FPR1: variants seen among roughly 807,000 people sequenced by gnomAD.
The protein encoded by FPR1 is N-formyl peptide receptor 1.
For missense variants in FPR1, 407 were observed against 453.0 expected (o/e 0.90, Z 0.92); for synonymous variants, 193 against 176.7 (o/e 1.09, Z -0.73).
rs750772517 is a variant in FPR1 at position 51,746,980 on chromosome 19, G to A, written c.15C>T (p.Ser5=). The A allele has an allele frequency of 1.2e-5, 20 of 1,611,198 alleles. No individual in the cohort carries two copies. The highest frequency in any genetic ancestry group is 1.6e-5 in the Non-Finnish European group (19 of 1,177,808). Residue 5 remains serine (S), a synonymous_variant, in exon 2 of 2, where the codon TCC becomes TCT. Coordinates refer to ENST00000304748, the MANE Select transcript of FPR1 (RefSeq NM_002029.4). The surrounding 1 kb of genome is among the most constrained non-coding windows in gnomAD (Gnocchi z 4.3). The part of the protein sequence containing the change: METN[S]SLPTNISGGT... The stretch of plus-strand genomic sequence containing the variant: ...CTCCAGAGATGTTCGTGGGGAGAGA[G>A]GAATTTGTCTCCATCTTGTCTGCTC...
At chr19:51,748,716 G>T (rs746143925) in intron 1 of FPR1, among the ~76,000 whole-genome samples, 1 of 152,046 alleles carries the variant, frequency 6.6e-6, no homozygotes. Flanking sequence ...CCGCCTCGGC[G>T]TCCCAAAGTG....
intron 1 of FPR1, among the ~76,000 whole-genome samples, chr19:51,747,959 CA>C (rs2083758827): frequency 6.6e-6 from 1 of 151,998 alleles, no homozygotes; most frequent in Non-Finnish European, 1.5e-5. Context: ...AGCCACATAG[CA>C]AGATCCTCAT....
At position 51,746,552 on chromosome 19, in the gene FPR1, C is replaced by G; in HGVS notation, c.443G>C (p.Gly148Ala). Residue 148 changes from glycine (G) to alanine (A), a missense_variant, in exon 2 of 2, where the codon GGG becomes GCG. Transcript: ENST00000304748. The surrounding 1 kb of genome is among the most constrained non-coding windows in gnomAD (Gnocchi z 4.3). Reference protein sequence around the residue: ...TVSLAKKVIIGPWVMALLLTL... With the variant: ...TVSLAKKVIIAPWVMALLLTL... Reference sequence around the variant, plus strand: ...GAGGAGCAGAGCCATCACCCAGGGCCCAATGATCACCTTCTTGGCCAGGCT... The same window carrying G: ...GAGGAGCAGAGCCATCACCCAGGGCGCAATGATCACCTTCTTGGCCAGGCT... 6.2e-7 allele frequency: 1 copy of G among 1,614,150 alleles called. No individual in the cohort carries two copies. Among genetic ancestry groups the G allele is most frequent in the Non-Finnish European group, 8.5e-7 (1 of 1,180,024 alleles).
At chr19:51,750,745 A>C (rs1164211343) in intron 1 of FPR1, 1 of 152,224 alleles carries the variant, frequency 6.6e-6, no homozygotes, top group Admixed American at 6.5e-5. Flanking sequence ...GGTGGCTGCC[A>C]TCGATGAAGG....
rs1342695604 is a variant in FPR1, at chr19:51,746,121, A to G, written c.874T>C (p.Phe292Leu). ...AVDVTSALAF[F>L]NSCLNPMLYV... is the part of the protein sequence containing the mutation. ...AGCATGGGGTTGAGGCAGCTGTTGA[A>G]GAAGGCCAGGGCACTTGTCACATCC... The change falls in exon 2 of 2, where the codon TTC (phenylalanine) becomes CTC (leucine). Residue 292 changes from phenylalanine (F) to leucine (L), a missense_variant. Phe to Leu is a conservative substitution (Grantham distance 22). Transcript: ENST00000304748. This position sits in a 1 kb window ranked among gnomAD's most constrained non-coding sequence, Gnocchi z 4.3. 2.5e-6 allele frequency: 4 copies of G among 1,614,210 alleles called. No individual in the cohort carries two copies. The highest frequency in any genetic ancestry group is 4.5e-5 in the East Asian group (2 of 44,870).
chr19:51,749,837 T>C (rs2083770053), intron 1 of FPR1, among the ~76,000 whole-genome samples: 1 of 151,944 alleles, frequency 6.6e-6, no homozygotes, highest in Non-Finnish European at 1.5e-5. Context: ...AATTTTTCTT[T>C]TTAATTGTAT....
intron 1 of FPR1, 25 bp from the exon 2 acceptor site, chr19:51,747,030 T>C (rs2083752670): frequency 4.6e-6 from 7 of 1,514,036 alleles, no homozygotes; most frequent in African/African-American, 4.1e-5. Flanking sequence ...TCGTGGTCAT[T>C]CCTCAGTTAT....
rs928709664 is a variant in FPR1, at chr19:51,745,931, C to T, written c.*11G>A. The stretch of plus-strand genomic sequence containing the variant: ...GAGCTGGGAGCTCGAAAGTGTCCCC[C>T]AGCTCCCTCCTCACTTTGCCTGTAA... On this transcript the variant is annotated 3_prime_UTR_variant, in exon 2 of 2. Coordinates refer to ENST00000304748, the MANE Select transcript of FPR1 (RefSeq NM_002029.4). 2.5e-6 allele frequency: 4 copies of T among 1,602,082 alleles called. No homozygotes were observed. Among genetic ancestry groups the T allele is most frequent in the Non-Finnish European group, 3.4e-6 (4 of 1,170,176 alleles).
rs1381198012 is a variant in FPR1 at position 51,746,474 on chromosome 19, A to G, written c.521T>C (p.Val174Ala). ...VTTVPGKTGT[V>A]ACTFNFSPWT... is the part of the protein sequence containing the mutation. Reference sequence around the variant, plus strand: ...GGGCGAAAAGTTAAAAGTGCAGGCTACTGTCCCCGTTTTACCAGGTACTGT... The same window carrying G: ...GGGCGAAAAGTTAAAAGTGCAGGCTGCTGTCCCCGTTTTACCAGGTACTGT... Residue 174 changes from valine to alanine, a missense_variant, in exon 2 of 2, where the codon GTA becomes GCA. Physicochemically the swap from Val to Ala is moderately conservative, Grantham distance 64. Transcript: ENST00000304748. This position sits in a 1 kb window ranked among gnomAD's most constrained non-coding sequence, Gnocchi z 4.3. 4 of 1,614,174 alleles carry G rather than the reference A, an allele frequency of 2.5e-6. No homozygotes were observed. Among genetic ancestry groups the G allele is most frequent in the Non-Finnish European group, 3.4e-6 (4 of 1,180,036 alleles).
intron 1 of FPR1, among the ~76,000 whole-genome samples, chr19:51,750,458 A>C (rs1262636027): frequency 6.6e-6 from 1 of 152,180 alleles, no homozygotes. Context: ...TTGAAATTAC[A>C]TATGTGTCTC....
At chr19:51,747,142 A>G (rs917405234) in intron 1 of FPR1, 137 bp from the exon 2 acceptor site, 2 of 640,366 alleles carry the variant, frequency 3.1e-6, no homozygotes, top group Non-Finnish European at 5.5e-6. Context: ...CAGCCGGAAC[A>G]TCCTCACCAC....
intron 1 of FPR1, among the ~76,000 whole-genome samples, chr19:51,751,123 G>T: frequency 6.6e-6 from 1 of 152,236 alleles, no homozygotes; most frequent in East Asian, 1.9e-4. Context: ...TCAAGCTGAT[G>T]CCCTTGCCTC....
In FPR1 at chr19:51,746,215, C is replaced by T; in HGVS notation, c.780G>A (p.Val260=). ...FFLCWSPYQV[V]ALIATVRIRE... ...GGATTCTGACTGTGGCTATAAGGGC[C>T]ACCACCTGATATGGGGACCAGCAGA... is the stretch of plus-strand genomic sequence containing the variant. The change falls in exon 2 of 2, where the codon GTG becomes GTA. Residue 260 remains valine (V), a synonymous_variant. Coordinates refer to ENST00000304748, the MANE Select transcript of FPR1 (RefSeq NM_002029.4). The surrounding 1 kb of genome is among the most constrained non-coding windows in gnomAD (Gnocchi z 4.3). 6.2e-7 allele frequency: 1 copy of T among 1,614,122 alleles called. No homozygotes were observed. The highest frequency in any genetic ancestry group is 8.5e-7 in the Non-Finnish European group (1 of 1,180,030).
In FPR1 at chr19:51,745,882, C is replaced by T. The variant is rs1361571700; in HGVS notation, c.*60G>A. The T allele has an allele frequency of 7.1e-7, 1 of 1,417,822 alleles. No individual in the cohort carries two copies. Among genetic ancestry groups the T allele is most frequent in the Non-Finnish European group, 9.8e-7 (1 of 1,019,538 alleles). 87.8% of individuals were successfully genotyped at this position (1,417,822 alleles called of 1,614,324 possible). On this transcript the variant is annotated 3_prime_UTR_variant, in exon 2 of 2. Coordinates refer to ENST00000304748, the MANE Select transcript of FPR1 (RefSeq NM_002029.4). The stretch of plus-strand genomic sequence containing the variant: ...AAGCAGGAAATGCCTGTGGCTCAGC[C>T]TAACTCAAGGTGAGACGAAGCTGGA...
At position 51,746,767 on chromosome 19, in the gene FPR1, G is replaced by A; in HGVS notation, c.228C>T (p.Ser76=). Residue 76 remains serine, a synonymous_variant, in exon 2 of 2, where the codon TCC becomes TCT. Coordinates refer to ENST00000304748, the MANE Select transcript of FPR1 (RefSeq NM_002029.4). This position sits in a 1 kb window ranked among gnomAD's most constrained non-coding sequence, Gnocchi z 4.3. ...TCCTGACCATGAAGAATGGCAAAGT[G>A]GAGGTGAAACAGAAGTCAGCCACGG... The part of the protein sequence containing the change: ...NLAVADFCFT[S]TLPFFMVRKA... 2 of 1,614,160 alleles carry A rather than the reference G, an allele frequency of 1.2e-6. No individual in the cohort carries two copies. Among genetic ancestry groups the A allele is most frequent in the South Asian group, 1.1e-5 (1 of 91,084 alleles).
chr19:51,749,050 A>G (rs2083765221), intron 1 of FPR1, among the ~76,000 whole-genome samples: 1 of 152,034 alleles, frequency 6.6e-6, no homozygotes, highest in Non-Finnish European at 1.5e-5. Context: ...CCCCATCTCT[A>G]CTAAAAATAC....
Position 51,746,244 on chromosome 19 carries a change from A to G in FPR1, c.751T>C (p.Phe251Leu), listed in dbSNP as rs766818943. 11 of 1,614,176 alleles carry G rather than the reference A, an allele frequency of 6.8e-6. No individual in the cohort carries two copies. The highest frequency in any genetic ancestry group is 9.3e-6 in the Non-Finnish European group (11 of 1,180,024). The stretch of plus-strand genomic sequence containing the variant: ...ACCTGATATGGGGACCAGCAGAGAA[A>G]AAAGGCTGCTGCGACAAAGGAGAGG... The part of the protein sequence containing the change: ...RVLSFVAAAF[F>L]LCWSPYQVVA... Residue 251 changes from phenylalanine to leucine, a missense_variant, in exon 2 of 2, where the codon TTT becomes CTT. Transcript: ENST00000304748. This position sits in a 1 kb window ranked among gnomAD's most constrained non-coding sequence, Gnocchi z 4.3.
rs1247397252 is a variant in FPR1, at chr19:51,745,936, C to G, written c.*6G>C. ...GGGAGCTCGAAAGTGTCCCCCAGCT[C>G]CCTCCTCACTTTGCCTGTAACTCCA... On this transcript the variant is annotated 3_prime_UTR_variant, in exon 2 of 2. Transcript: ENST00000304748. 6.2e-7 allele frequency: 1 copy of G among 1,604,294 alleles called. No individual in the cohort carries two copies. Among genetic ancestry groups the G allele is most frequent in the Admixed American group, 1.7e-5 (1 of 59,812 alleles).
At position 51,746,116 on chromosome 19, in the gene FPR1, G is replaced by A; in HGVS notation, c.879C>T (p.Asn293=). The A allele has an allele frequency of 6.2e-7, 1 of 1,614,204 alleles. No individual in the cohort carries two copies. Among genetic ancestry groups the A allele is most frequent in the Non-Finnish European group, 8.5e-7 (1 of 1,180,036 alleles). The change falls in exon 2 of 2, where the codon AAC becomes AAT. Residue 293 remains asparagine, a synonymous_variant. Coordinates refer to ENST00000304748, the MANE Select transcript of FPR1 (RefSeq NM_002029.4). The surrounding 1 kb of genome is among the most constrained non-coding windows in gnomAD (Gnocchi z 4.3). ...CATAGAGCATGGGGTTGAGGCAGCTGTTGAAGAAGGCCAGGGCACTTGTCA... is the reference window on the plus strand; with the variant it reads ...CATAGAGCATGGGGTTGAGGCAGCTATTGAAGAAGGCCAGGGCACTTGTCA... ...VDVTSALAFF[N]SCLNPMLYVF... is the part of the protein sequence containing the mutation.
Sources: gnomAD v4.1 joint callset for allele counts (sites outside exome capture counted in the v4.1 genomes callset) on GRCh38, gnomAD v4.1.1 for gene constraint, Gnocchi (gnomAD v3.1) non-coding constraint, MANE v1.5 for transcripts, NCBI Gene and HGNC (gene_info 2026-07-23, HGNC 2026-07-21) for gene names.